Variants in PDZRN4 observed in about 807,000 individuals in gnomAD.
PDZRN4 encodes PDZ domain-containing RING finger protein 4.
PDZRN4 carries 70 observed loss-of-function variants against 99.0 expected under a neutral mutation model. That is an observed-to-expected ratio of 0.71 (90% CI 0.58 to 0.86). The LOEUF is 0.86. Among genes scored for constraint, PDZRN4 ranks in the 40% least tolerant of loss-of-function variants. The probability of loss-of-function intolerance (pLI) is 0.00; values close to 1 mark genes in which losing one functional copy is unlikely to be tolerated. For synonymous variants in PDZRN4, 551 were observed against 501.6 expected, an observed-to-expected ratio of 1.10 and a Z score of -1.32; for missense variants, 1,474 against 1,331.2, an observed-to-expected ratio of 1.11 and a Z score of -1.67.
intron 3 of PDZRN4, among the ~76,000 whole-genome samples, chr12:41,229,213 C>G (rs1951014008): frequency 6.6e-6 from 1 of 151,298 alleles, no homozygotes; most frequent in Non-Finnish European, 1.5e-5. Flanking sequence ...AAATAATGTG[C>G]CTGTTTAACT....
intron 3 of PDZRN4, among the ~76,000 whole-genome samples, chr12:41,310,719 C>T (rs1361695036): frequency 6.6e-6 from 1 of 152,142 alleles, no homozygotes; most frequent in Non-Finnish European, 1.5e-5. Flanking sequence ...TTTTCCCCCA[C>T]GTTATTCTAT....
At chr12:41,204,273 G>C (rs1025427570) in intron 3 of PDZRN4, among the ~76,000 whole-genome samples, 1 of 151,956 alleles carries the variant, frequency 6.6e-6, no homozygotes, top group East Asian at 1.9e-4. Context: ...TCATTTGATG[G>C]TATTGGTTCA....
chr12:41,244,936 C>T (rs970984805), intron 3 of PDZRN4, among the ~76,000 whole-genome samples: 2 of 149,852 alleles, frequency 1.3e-5, no homozygotes, highest in African/African-American at 2.5e-5. Context: ...ATGATCCACC[C>T]GCCTCGGCCT....
At chr12:41,335,287 T>C (rs1416767893) in intron 3 of PDZRN4, among the ~76,000 whole-genome samples, 1 of 151,900 alleles carries the variant, frequency 6.6e-6, no homozygotes, top group East Asian at 1.9e-4. Context: ...TATTATACTT[T>C]AAGTTCTAGG....
intron 3 of PDZRN4, among the ~76,000 whole-genome samples, chr12:41,251,885 G>A (rs958426082): frequency 1.3e-5 from 2 of 152,162 alleles, no homozygotes; most frequent in Non-Finnish European, 2.9e-5. Context: ...GGAGGCTGAC[G>A]CAGGCAGACA....
chr12:41,469,717 G>A (rs969765772), intron 3 of PDZRN4, among the ~76,000 whole-genome samples: 1 of 152,062 alleles, frequency 6.6e-6, no homozygotes, highest in South Asian at 2.1e-4. Flanking sequence ...CGATCACGAG[G>A]TCAGGAGATC....
chr12:41,500,632 T>G (rs983921858), intron 3 of PDZRN4, among the ~76,000 whole-genome samples: 15 of 152,210 alleles, frequency 9.9e-5, no homozygotes, highest in Non-Finnish European at 1.9e-4. Context: ...TCATACAATT[T>G]TGCAGATTCC....
intron 3 of PDZRN4, among the ~76,000 whole-genome samples, chr12:41,393,685 G>T (rs1299202449): frequency 1.3e-5 from 2 of 152,130 alleles, no homozygotes; most frequent in African/African-American, 2.4e-5. Flanking sequence ...ATTTATGCAA[G>T]GCTTGCAGAG....
chr12:41,498,129 C>T (rs564418656), intron 3 of PDZRN4, among the ~76,000 whole-genome samples: 1 of 152,130 alleles, frequency 6.6e-6, no homozygotes, highest in African/African-American at 2.4e-5. Flanking sequence ...CTTAGGTTCT[C>T]AATCTCTCTC....
intron 3 of PDZRN4, among the ~76,000 whole-genome samples, chr12:41,273,909 T>A (rs553287099): frequency 6.5e-4 from 99 of 152,196 alleles, no homozygotes; most frequent in African/African-American, 2.3e-3. Context: ...TTATCATTTA[T>A]CATTTTTCTT....
chr12:41,320,974 C>A (rs1259439056), intron 3 of PDZRN4, among the ~76,000 whole-genome samples: 2 of 151,976 alleles, frequency 1.3e-5, no homozygotes, highest in South Asian at 4.1e-4. Context: ...AAATATATAT[C>A]ATTTCTATAA....
At chr12:41,318,589 A>T (rs1231074619) in intron 3 of PDZRN4, among the ~76,000 whole-genome samples, 1 of 152,190 alleles carries the variant, frequency 6.6e-6, no homozygotes, top group Non-Finnish European at 1.5e-5. Context: ...AACATCATCC[A>T]CTGTGCCTAC....
At chr12:41,301,206 A>T (rs1205869144) in intron 3 of PDZRN4, among the ~76,000 whole-genome samples, 1 of 152,036 alleles carries the variant, frequency 6.6e-6, no homozygotes, top group Non-Finnish European at 1.5e-5. Context: ...GGCAGAAACG[A>T]TGAGAAAGGA....
chr12:41,545,221 C>T (rs1036802966), intron 5 of PDZRN4, among the ~76,000 whole-genome samples: 1 of 152,194 alleles, frequency 6.6e-6, no homozygotes, highest in Non-Finnish European at 1.5e-5. Flanking sequence ...TTGCCTACCT[C>T]TGCAGTTTTA....
At chr12:41,464,559 A>G (rs1209364671) in intron 3 of PDZRN4, among the ~76,000 whole-genome samples, 1 of 152,200 alleles carries the variant, frequency 6.6e-6, no homozygotes, top group Non-Finnish European at 1.5e-5. Context: ...TCTTTTTGGC[A>G]TAAAATTTTA....
chr12:41,422,696 A>G (rs115454276), intron 3 of PDZRN4, among the ~76,000 whole-genome samples: 1,731 of 152,242 alleles, frequency 0.011, 27 homozygotes, highest in African/African-American at 0.04. Flanking sequence ...GGCCCCCATG[A>G]TCCAATCACC....
At chr12:41,382,267 T>C (rs1952133378) in intron 3 of PDZRN4, among the ~76,000 whole-genome samples, 1 of 152,142 alleles carries the variant, frequency 6.6e-6, no homozygotes, top group Admixed American at 6.5e-5. Context: ...GTCTGGGCTC[T>C]ATGATTGGTC....
At chr12:41,367,922 C>T (rs538842617) in intron 3 of PDZRN4, among the ~76,000 whole-genome samples, 1 of 152,178 alleles carries the variant, frequency 6.6e-6, no homozygotes, top group Non-Finnish European at 1.5e-5. Context: ...CTGAGTTTAA[C>T]AATCTGGTTT....
intron 3 of PDZRN4, among the ~76,000 whole-genome samples, chr12:41,331,843 A>T (rs1451809689): frequency 6.6e-6 from 1 of 152,110 alleles, no homozygotes; most frequent in Non-Finnish European, 1.5e-5. Context: ...GTTACCTCCC[A>T]TCCAGTCCCT....
Sources: allele counts gnomAD v4.1 joint callset (sites outside exome capture counted in the v4.1 genomes callset), GRCh38; gene constraint gnomAD v4.1.1; transcripts MANE v1.5; gene names NCBI Gene and HGNC (gene_info 2026-07-23, HGNC 2026-07-21).